DAW1: variants seen among roughly 807,000 people sequenced by gnomAD.
DAW1 encodes dynein assembly factor with WD repeats 1.
A neutral mutation model predicts 56.5 loss-of-function variants in DAW1; 47 were observed. The ratio of observed to expected loss-of-function variants is 0.83; its 90% CI spans 0.66 to 1.06. DAW1 has a LOEUF of 1.06. Ranked by LOEUF, DAW1 falls within the 50% of genes least tolerant of loss-of-function variation. DAW1 has a pLI of 0.00. For missense variants in DAW1, 505 were observed against 499.3 expected, an observed-to-expected ratio of 1.01 and a Z score of -0.11; for synonymous variants, 190 against 179.0, an observed-to-expected ratio of 1.06 and a Z score of -0.49.
In DAW1 at chr2:227,888,894, C is replaced by A. The variant is rs145380456; in HGVS notation, c.114-962C>A. Among the ~76,000 whole-genome samples the A allele has an allele frequency of 8.2e-4, 125 of 152,220 alleles. 1 individual carries two copies. The highest frequency in any genetic ancestry group is 2.9e-3 in the African/African-American group (120 of 41,536). On this transcript the variant is annotated intron_variant, in intron 2 of 12. Transcript: ENST00000309931. ...TCTGTATATTTTTCAGACCAGTTAT[C>A]TTTCAGGGAAACAATATTTTAGTCT...
chr2:227,889,579 A>T (rs1330846455), intron 2 of DAW1: 1 of 250,002 alleles, frequency 4.0e-6, no homozygotes, highest in Non-Finnish European at 7.6e-6. Flanking sequence ...ACTAGGTGAG[A>T]ACATTAGACT....
At chr2:227,876,316 G>C (rs1466018851) in intron 1 of DAW1, 1 of 791,584 alleles carries the variant, frequency 1.3e-6, no homozygotes, top group East Asian at 7.2e-5. Context: ...CACTGTGCCC[G>C]GCCAAGCCTA....
rs140463662 is a variant in DAW1 at position 227,883,972 on chromosome 2, G to A, written c.41-1379G>A. Among the ~76,000 whole-genome samples, 1,023 of 152,182 alleles carry A rather than the reference G, an allele frequency of 6.7e-3. 6 individuals carry two copies. Among genetic ancestry groups the A allele is most frequent in the Middle Eastern group, 0.02 (6 of 294 alleles). The stretch of plus-strand genomic sequence containing the variant: ...TTTAAGAGTGTAAGGTGATCCTGAA[G>A]CCAAATTTTTGAGATGTACTAGTTT... On this transcript the variant is annotated intron_variant, in intron 1 of 12. Transcript: ENST00000309931.
chr2:227,872,298 AAAAG>A (rs1359565571), intron 1 of DAW1: 2 of 89,474 alleles, frequency 2.2e-5, no homozygotes, highest in Non-Finnish European at 2.5e-5. Flanking sequence ...AAAAAGAAAA[AAAAG>A]AAAAAAATCT....
At position 227,903,088 on chromosome 2, in the gene DAW1, C is replaced by A. The variant is rs760094867; in HGVS notation, c.627C>A (p.Gly209=). The change falls in exon 7 of 13, where the codon GGC becomes GGA. Residue 209 remains glycine, a synonymous_variant. Coordinates refer to ENST00000309931, the MANE Select transcript of DAW1 (RefSeq NM_178821.3). ...CCAAATTGTGGGACATTCAGAATGGCGAGGAAGTTTACACCTTAAGAGTAT... is the reference window on the plus strand; with the variant it reads ...CCAAATTGTGGGACATTCAGAATGGAGAGGAAGTTTACACCTTAAGAGTAT... ...TTAKLWDIQN[G]EEVYTLRGHS... is the part of the protein sequence containing the mutation. 5 of 1,613,968 alleles carry A rather than the reference C, an allele frequency of 3.1e-6. No individual in the cohort carries two copies. The East Asian group carries it at 1.1e-4, about 36-fold the overall frequency.
chr2:227,885,749 G>A (rs1458005335), intron 2 of DAW1, among the ~76,000 whole-genome samples: 1 of 152,116 alleles, frequency 6.6e-6, no homozygotes, highest in Non-Finnish European at 1.5e-5. Flanking sequence ...GATTAGCGGT[G>A]TACATTTATT....
At chr2:227,920,407 G>A (rs987509215) in intron 11 of DAW1, among the ~76,000 whole-genome samples, 33 of 152,106 alleles carry the variant, frequency 2.2e-4, no homozygotes, top group African/African-American at 7.5e-4. Flanking sequence ...GAGATGGCCC[G>A]AATCTCTGTC....
At chr2:227,885,511 A>T (rs898843218) in intron 2 of DAW1, 88 bp downstream of exon 2, 2 of 944,844 alleles carry the variant, frequency 2.1e-6, no homozygotes, top group African/African-American at 1.7e-5. Context: ...TAAACTGCAG[A>T]TAATACATTA....
intron 2 of DAW1, chr2:227,887,585 A>G (rs565208954): frequency 6.6e-6 from 1 of 152,356 alleles, no homozygotes; most frequent in South Asian, 2.1e-4. Flanking sequence ...CCAGCTAGAC[A>G]TTCTGCAAAA....
intron 1 of DAW1, among the ~76,000 whole-genome samples, chr2:227,881,743 C>CTTTTTTT (rs541800966): frequency 1.3e-5 from 1 of 78,644 alleles, no homozygotes; most frequent in Non-Finnish European, 2.3e-5. Flanking sequence ...CTGCCACATT[C>CTTTTTTT]TTTTTTTTTT....
At chr2:227,884,586 T>A (rs1215332770) in intron 1 of DAW1, among the ~76,000 whole-genome samples, 1 of 152,202 alleles carries the variant, frequency 6.6e-6, no homozygotes, top group East Asian at 1.9e-4. Flanking sequence ...TCCTGCTCAG[T>A]CACTGCTGGC....
chr2:227,880,047 G>C (rs928092983), intron 1 of DAW1, among the ~76,000 whole-genome samples: 2 of 152,054 alleles, frequency 1.3e-5, no homozygotes, highest in African/African-American at 4.8e-5. Context: ...ACAGCATTGG[G>C]TTTTCTCATC....
At chr2:227,910,642 A>G (rs1691793370) in intron 10 of DAW1, among the ~76,000 whole-genome samples, 1 of 152,070 alleles carries the variant, frequency 6.6e-6, no homozygotes, top group Non-Finnish European at 1.5e-5. Flanking sequence ...AAGATGCTAT[A>G]TGTTACTTTA....
chr2:227,923,745 G>GAA (rs76897409), intron 12 of DAW1, among the ~76,000 whole-genome samples, 189 bp from the exon 13 acceptor site: 74 of 144,196 alleles, frequency 5.1e-4, no homozygotes, highest in African/African-American at 1.7e-3. Flanking sequence ...CTGGTATCGT[G>GAA]AAAAAAAAAA....
intron 6 of DAW1, among the ~76,000 whole-genome samples, chr2:227,901,977 A>T (rs766853839): frequency 3.3e-5 from 5 of 152,126 alleles, no homozygotes; most frequent in African/African-American, 4.8e-5. Context: ...GGGGAAGGAA[A>T]GTAAGATCAG....
At chr2:227,914,514 T>C (rs1307747966) in intron 10 of DAW1, among the ~76,000 whole-genome samples, 1 of 152,108 alleles carries the variant, frequency 6.6e-6, no homozygotes, top group Non-Finnish European at 1.5e-5. Flanking sequence ...GATGCCACTC[T>C]GTGTCATCTC....
rs945616319 is a variant in DAW1, at chr2:227,885,413, C to A, written c.103C>A (p.Leu35Ile). Residue 35 changes from leucine to isoleucine, a missense_variant, in exon 2 of 13, where the codon CTT (leucine) becomes ATT (isoleucine). Transcript: ENST00000309931. ...LKTKSIDLLD[L>I]GPSTDVSALV... ...GACTAAGTCCATAGATTTGCTTGAT[C>A]TTGGTCCCAGGTAAGTAAGCTGTAG... The A allele has an allele frequency of 6.2e-7, 1 of 1,602,666 alleles. No homozygotes were observed. Among genetic ancestry groups the A allele is most frequent in the Non-Finnish European group, 8.5e-7 (1 of 1,176,006 alleles).
intron 8 of DAW1, among the ~76,000 whole-genome samples, chr2:227,905,848 G>C (rs34992008): frequency 6.6e-6 from 1 of 151,888 alleles, no homozygotes; most frequent in African/African-American, 2.4e-5. Context: ...TCCGCTTCCT[G>C]GGTTCACGCC....
intron 10 of DAW1, among the ~76,000 whole-genome samples, chr2:227,913,317 ATATAC>A (rs1691874226): frequency 6.6e-6 from 1 of 152,162 alleles, no homozygotes. Flanking sequence ...ACTATAGATG[ATATAC>A]TAAGTTACCG....
Sources: allele counts gnomAD v4.1 joint callset (sites outside exome capture counted in the v4.1 genomes callset), GRCh38; gene constraint gnomAD v4.1.1; transcripts MANE v1.5; gene names NCBI Gene and HGNC (gene_info 2026-07-23, HGNC 2026-07-21).